Variants in XNDC1N observed in about 807,000 individuals in gnomAD.
XNDC1N encodes XRCC1 N-terminal domain containing 1, N-terminal like, also known as protein XNDC1N.
the XNDC1N span, chr11:71,928,553 C>A: frequency 2.8e-6 from 2 of 702,482 alleles, no homozygotes; most frequent in Non-Finnish European, 5.2e-6. Flanking sequence ...CCTACCGAGG[C>A]AAGATGGCAG....
the XNDC1N span, chr11:71,916,165 C>G: frequency 2.8e-6 from 2 of 702,912 alleles, no homozygotes; most frequent in Non-Finnish European, 5.2e-6. Flanking sequence ...AAAGGCCAGG[C>G]CAAAGGACTG....
the XNDC1N span, among the ~76,000 whole-genome samples, chr11:71,898,782 A>C: frequency 6.6e-6 from 1 of 152,178 alleles, no homozygotes; most frequent in Non-Finnish European, 1.5e-5. Context: ...TGTTCTGGAG[A>C]CGATGACGGT....
the XNDC1N span, among the ~76,000 whole-genome samples, chr11:71,879,948 A>G: frequency 6.6e-6 from 1 of 152,118 alleles, no homozygotes; most frequent in Non-Finnish European, 1.5e-5. Context: ...GGTCATCAGT[A>G]TATCCCACTT....
the XNDC1N span, among the ~76,000 whole-genome samples, chr11:71,893,044 T>C: frequency 6.6e-6 from 1 of 152,234 alleles, no homozygotes; most frequent in Non-Finnish European, 1.5e-5. Context: ...TCAATGGAAG[T>C]TGTAGCACCG....
the XNDC1N span, chr11:71,894,104 C>A: frequency 6.2e-6 from 3 of 480,248 alleles, no homozygotes; most frequent in African/African-American, 2.0e-5. Flanking sequence ...CTTCCCATTT[C>A]AGGGATCCTT....
At chr11:71,876,023 T>C in the XNDC1N span, among the ~76,000 whole-genome samples, 4 of 151,712 alleles carry the variant, frequency 2.6e-5, no homozygotes, top group African/African-American at 7.3e-5. Flanking sequence ...AGACTCTGTC[T>C]CAAATAAATA....
the XNDC1N span, among the ~76,000 whole-genome samples, chr11:71,924,196 T>C: frequency 1.3e-5 from 2 of 152,160 alleles, no homozygotes; most frequent in East Asian, 1.9e-4. Flanking sequence ...CTAGACATCA[T>C]CAATGACTTG....
At chr11:71,886,914 G>C in the XNDC1N span, among the ~76,000 whole-genome samples, 890 of 152,316 alleles carry the variant, frequency 5.8e-3, 7 homozygotes, top group Middle Eastern at 0.034. Context: ...AAGAAACTCA[G>C]CTTGGCTGTC....
the XNDC1N span, among the ~76,000 whole-genome samples, chr11:71,867,754 A>G: frequency 6.6e-6 from 1 of 152,194 alleles, no homozygotes; most frequent in African/African-American, 2.4e-5. Flanking sequence ...GATGAGAAGA[A>G]TGTGTATTCT....
At chr11:71,887,450 T>C in the XNDC1N span, among the ~76,000 whole-genome samples, 2 of 152,164 alleles carry the variant, frequency 1.3e-5, no homozygotes, top group African/African-American at 4.8e-5. Flanking sequence ...ATGACACTTG[T>C]GGTCCCCCGA....
the XNDC1N span, chr11:71,893,631 C>G: frequency 3.6e-6 from 4 of 1,110,716 alleles, no homozygotes; most frequent in African/African-American, 6.2e-5. Context: ...CTGACTCCCC[C>G]CTCCACACCC....
chr11:71,917,813 G>A, the XNDC1N span: 1 of 699,888 alleles, frequency 1.4e-6, no homozygotes, highest in Non-Finnish European at 2.6e-6. Context: ...TAAGAGGAAT[G>A]AGATGACTGA....
chr11:71,898,647 A>G, the XNDC1N span, among the ~76,000 whole-genome samples: 1 of 152,190 alleles, frequency 6.6e-6, no homozygotes, highest in Non-Finnish European at 1.5e-5. Flanking sequence ...CCATTTATCT[A>G]TTAAGTGTCT....
the XNDC1N span, chr11:71,903,636 C>CT: frequency 1.9e-6 from 1 of 519,876 alleles, no homozygotes; most frequent in East Asian, 3.5e-5. Flanking sequence ...ATTTGTTGTC[C>CT]TTGTTTTTTT....
the XNDC1N span, among the ~76,000 whole-genome samples, chr11:71,919,929 CTTTTTTTTTTTTTTTTTTTTTTTTTT>C: frequency 1.1e-4 from 3 of 26,630 alleles, no homozygotes; most frequent in Admixed American, 5.3e-4. Flanking sequence ...AAGCAGGCCT[CTTTTTTTTTTTTTTTTTTTTTTTTTT>C]TTTTTTTTTT....
the XNDC1N span, among the ~76,000 whole-genome samples, chr11:71,899,961 T>G: frequency 6.6e-6 from 1 of 152,266 alleles, no homozygotes; most frequent in African/African-American, 2.4e-5. Context: ...AAAACCGCCC[T>G]ATGGTGGGAG....
chr11:71,897,715 T>C, the XNDC1N span, among the ~76,000 whole-genome samples: 1 of 152,178 alleles, frequency 6.6e-6, no homozygotes, highest in Non-Finnish European at 1.5e-5. Context: ...TGTGGGTACC[T>C]ACCAAAAAGA....
chr11:71,896,589 G>C, the XNDC1N span, among the ~76,000 whole-genome samples: 1,302 of 140,868 alleles, frequency 9.2e-3, no homozygotes, highest in East Asian at 0.039. Flanking sequence ...TTGAGATGGA[G>C]TTTCACTCTT....
At chr11:71,883,519 A>G in the XNDC1N span, among the ~76,000 whole-genome samples, 6,805 of 152,210 alleles carry the variant, frequency 0.045, 519 homozygotes, top group African/African-American at 0.16. Context: ...ACGTGGTACT[A>G]AGAAAACTGA....
Sources: gnomAD v4.1 joint callset for allele counts (sites outside exome capture counted in the v4.1 genomes callset) on GRCh38, gnomAD v4.1.1 for gene constraint, MANE v1.5 for transcripts, NCBI Gene and HGNC (gene_info 2026-07-23, HGNC 2026-07-21) for gene names.